SBF2: variants seen among roughly 807,000 people sequenced by gnomAD.
The protein encoded by SBF2 is SET binding factor 2.
Under a neutral mutation model 225.2 loss-of-function variants are expected in SBF2, and 112 were observed. The observed-to-expected ratio is 0.50, with a 90% CI of 0.43 to 0.58. The LOEUF (loss-of-function observed/expected upper bound fraction) is 0.58. Ranked by LOEUF, SBF2 falls within the 20% of genes least tolerant of loss-of-function variation. The probability of loss-of-function intolerance (pLI) is 0.00; values close to 1 mark genes in which losing one functional copy is unlikely to be tolerated. For missense variants in SBF2, 1,996 were observed against 2,206.2 expected (o/e 0.90, Z 1.91); for synonymous variants, 763 against 773.3 (o/e 0.99, Z 0.22).
intron 2 of SBF2, among the ~76,000 whole-genome samples, chr11:10,085,532 G>A (rs984208360): frequency 7.9e-5 from 12 of 151,730 alleles, no homozygotes; most frequent in African/African-American, 2.4e-4. Flanking sequence ...TCCTGCTTTT[G>A]TTTTTATCAT....
intron 17 of SBF2, among the ~76,000 whole-genome samples, chr11:9,870,987 A>G (rs1336198013): frequency 1.3e-5 from 2 of 152,030 alleles, no homozygotes; most frequent in African/African-American, 4.8e-5. Flanking sequence ...AAAAAAAAAA[A>G]AAGTAACTCA....
intron 1 of SBF2, among the ~76,000 whole-genome samples, chr11:10,300,529 A>T (rs1397747649): frequency 6.6e-6 from 1 of 151,274 alleles, no homozygotes; most frequent in East Asian, 1.9e-4. Context: ...ATATAAATAT[A>T]TATACATATA....
At chr11:10,162,846 C>A (rs1955810635) in intron 2 of SBF2, among the ~76,000 whole-genome samples, 2 of 152,134 alleles carry the variant, frequency 1.3e-5, no homozygotes, top group African/African-American at 4.8e-5. Context: ...AGGAACAGTT[C>A]TGTTTATATG....
rs762193649 is a variant in SBF2 at position 9,850,123 on chromosome 11, A to G, written c.2706T>C (p.Thr902=). The G allele has an allele frequency of 6.2e-7, 1 of 1,613,990 alleles. No homozygotes were observed. The highest frequency in any genetic ancestry group is 2.2e-5 in the East Asian group (1 of 44,884). The change falls in exon 22 of 40, where the codon ACT becomes ACC. Residue 902 remains threonine (T), a synonymous_variant. Transcript: ENST00000256190. ...LLDPDGREEA[T]GGLLGGPQLL... is the part of the protein sequence containing the mutation. ...GCTGAGGGCCTCCAAGAAGACCTCC[A>G]GTAGCTTCTTCTCTTCCATCAGGAT...
At chr11:9,815,131 AT>A (rs1854384907) in intron 29 of SBF2, among the ~76,000 whole-genome samples, 1 of 152,078 alleles carries the variant, frequency 6.6e-6, no homozygotes, top group Admixed American at 6.6e-5. Flanking sequence ...GAATGGTGGG[AT>A]TACATTTTTA....
chr11:10,207,762 G>A (rs571321792), intron 1 of SBF2, among the ~76,000 whole-genome samples: 14 of 151,814 alleles, frequency 9.2e-5, no homozygotes, highest in African/African-American at 3.1e-4. Context: ...ACAAGGGCAA[G>A]CCCAAAGGCA....
chr11:10,110,825 G>GT (rs1469087106), intron 2 of SBF2, among the ~76,000 whole-genome samples: 1 of 152,024 alleles, frequency 6.6e-6, no homozygotes, highest in African/African-American at 2.4e-5. Context: ...GGGTGATCTA[G>GT]TTGAAATGTT....
intron 22 of SBF2, among the ~76,000 whole-genome samples, chr11:9,847,677 C>T (rs1002718): frequency 0.47 from 72,038 of 151,878 alleles, 17,386 homozygotes; most frequent in Admixed American, 0.5. Context: ...TGGACTTAAG[C>T]GCAAGACTTT....
At chr11:9,932,680 C>G (rs891263869) in intron 16 of SBF2, among the ~76,000 whole-genome samples, 1 of 152,062 alleles carries the variant, frequency 6.6e-6, no homozygotes, top group Non-Finnish European at 1.5e-5. Context: ...AAAAACATGT[C>G]AAATTGTAAA....
At chr11:9,889,366 G>C (rs1160886261) in intron 17 of SBF2, among the ~76,000 whole-genome samples, 1 of 152,140 alleles carries the variant, frequency 6.6e-6, no homozygotes, top group Non-Finnish European at 1.5e-5. Flanking sequence ...TTTTGAAATG[G>C]AAATAATAAC....
chr11:10,001,509 G>A (rs1947955202), intron 7 of SBF2, among the ~76,000 whole-genome samples: 1 of 151,878 alleles, frequency 6.6e-6, no homozygotes, highest in East Asian at 1.9e-4. Context: ...GTTAAGAAAA[G>A]CACCTAAATT....
At chr11:9,974,338 G>C (rs960220076) in intron 13 of SBF2, among the ~76,000 whole-genome samples, 1 of 152,094 alleles carries the variant, frequency 6.6e-6, no homozygotes, top group Admixed American at 6.6e-5. Flanking sequence ...ATGTTTAGAA[G>C]TATCTTTGGC....
chr11:10,195,504 C>T (rs1394718609), intron 1 of SBF2, among the ~76,000 whole-genome samples: 1 of 152,132 alleles, frequency 6.6e-6, no homozygotes, highest in Admixed American at 6.5e-5. Flanking sequence ...ATGAAGGCAA[C>T]AATATTCTGA....
intron 17 of SBF2, among the ~76,000 whole-genome samples, chr11:9,885,041 A>G (rs182637228): frequency 2.7e-4 from 41 of 152,076 alleles, no homozygotes; most frequent in Admixed American, 1.4e-3. Context: ...ACTTGAGGTC[A>G]GGAGTTCGAG....
intron 2 of SBF2, among the ~76,000 whole-genome samples, chr11:10,093,630 T>G (rs757541253): frequency 1.3e-5 from 2 of 152,236 alleles, no homozygotes; most frequent in African/African-American, 4.8e-5. Flanking sequence ...CTATCTAGTT[T>G]TATTTCTTAA....
intron 14 of SBF2, among the ~76,000 whole-genome samples, chr11:9,965,383 G>A (rs565341307): frequency 6.7e-6 from 1 of 149,006 alleles, no homozygotes; most frequent in Admixed American, 6.7e-5. Flanking sequence ...CTGCCTCCCA[G>A]GTTCAAGTGA....
chr11:10,217,939 G>GGCTGGAGTGCAGTGGCGGTCA (rs1958190471), intron 1 of SBF2, among the ~76,000 whole-genome samples: 6 of 151,646 alleles, frequency 4.0e-5, no homozygotes, highest in African/African-American at 1.5e-4. Context: ...TCGCTCTGTC[G>GGCTGGAGTGCAGTGGCGGTCA]CCCAGGCTGG....
At chr11:10,125,816 TCA>T (rs753196417) in intron 2 of SBF2, among the ~76,000 whole-genome samples, 2 of 152,230 alleles carry the variant, frequency 1.3e-5, no homozygotes, top group Non-Finnish European at 2.9e-5. Context: ...TGATAATTTC[TCA>T]GTCTTTTCTT....
Position 9,897,426 on chromosome 11 carries a change from C to T in SBF2, c.1861-1415G>A, listed in dbSNP as rs953352731. Among the ~76,000 whole-genome samples, 9 of 152,100 alleles carry T rather than the reference C, an allele frequency of 5.9e-5. 1 individual carries two copies. The highest frequency in any genetic ancestry group is 7.2e-5 in the African/African-American group (3 of 41,506). On this transcript the variant is annotated intron_variant, in intron 16 of 39. Coordinates refer to ENST00000256190, the MANE Select transcript of SBF2 (RefSeq NM_030962.4). Reference sequence around the variant, plus strand: ...CTAATTTTTATATTTTTAGTAGAGACGGGGTTTAACTCCTGACCTCAAGTG... The same window carrying T: ...CTAATTTTTATATTTTTAGTAGAGATGGGGTTTAACTCCTGACCTCAAGTG...
Sources: gnomAD v4.1 joint callset for allele counts (sites outside exome capture counted in the v4.1 genomes callset) on GRCh38, gnomAD v4.1.1 for gene constraint, MANE v1.5 for transcripts, NCBI Gene and HGNC (gene_info 2026-07-23, HGNC 2026-07-21) for gene names.